The following MRRF variants were observed in gnomAD, a reference collection of about 807,000 sequenced individuals.
MRRF encodes the protein mitochondrial ribosome recycling factor.
Under a neutral mutation model 25.1 loss-of-function variants are expected in MRRF, and 18 were observed. The observed-to-expected ratio is 0.72, with a 90% confidence interval of 0.50 to 1.06. MRRF has a LOEUF of 1.06. MRRF is among the 50% of genes least tolerant of loss of function. The pLI is 0.00. For synonymous variants in MRRF, 113 were observed against 112.1 expected, an observed-to-expected ratio of 1.01 and a Z score of -0.05; for missense variants, 323 against 319.3, an observed-to-expected ratio of 1.01 and a Z score of -0.09.
In MRRF at chr9:122,325,631, GGTGTGTGTGTGTGTGTGTGTGTGTGTGT is replaced by G. The variant is rs35981240; in HGVS notation, c.*3041_*3068del. 1.3e-4 allele frequency: 15 copies of G among 116,626 alleles called. No homozygotes were observed. The highest frequency in any genetic ancestry group is 3.3e-4 in the South Asian group (1 of 3,018). The allele number at this position is 116,626 out of a possible 1,614,324, so 7.2% of individuals were successfully genotyped here. A position where few individuals can be genotyped will look rare whatever the true frequency, so the allele number is the denominator to read the frequency against. Reference sequence around the variant, plus strand: ...GAATTTGAGAATTTTTTTCCTGTCTGGTGTGTGTGTGTGTGTGTGTGTGTGTGTGTGTGTGTGTGTGTGTGTGTGTGTG... The same window carrying G: ...GAATTTGAGAATTTTTTTCCTGTCTGGTGTGTGTGTGTGTGTGTGTGTGTG... On this transcript the variant is annotated 3_prime_UTR_variant, in exon 7 of 7. Coordinates refer to ENST00000344641, the MANE Select transcript of MRRF (RefSeq NM_138777.5).
intron 4 of MRRF, 55 bp downstream of exon 4, chr9:122,285,342 C>A: frequency 2.0e-6 from 2 of 1,017,812 alleles, no homozygotes; most frequent in Non-Finnish European, 3.1e-6. Context: ...ATGGAGGAGA[C>A]TGGGTCATAT....
intron 5 of MRRF, among the ~76,000 whole-genome samples, chr9:122,300,000 T>G (rs1294441627): frequency 1.3e-5 from 2 of 152,144 alleles, no homozygotes; most frequent in African/African-American, 2.4e-5. Flanking sequence ...AGCAGATGTC[T>G]GGGAAAGACA....
At chr9:122,265,680 ATCACT>A (rs1478994859) in intron 1 of MRRF, 1 of 1,002,882 alleles carries the variant, frequency 1.0e-6, no homozygotes, top group Non-Finnish European at 1.4e-6. Context: ...CGTAGGAGAA[ATCACT>A]TGGTACAAGT....
At chr9:122,285,649 C>A in intron 4 of MRRF, 1 of 701,722 alleles carries the variant, frequency 1.4e-6, no homozygotes, top group Non-Finnish European at 2.1e-6. Flanking sequence ...TTGCCAGGCA[C>A]AATGTAGGCC....
intron 1 of MRRF, among the ~76,000 whole-genome samples, chr9:122,269,680 C>T (rs899923361): frequency 2.6e-5 from 4 of 152,064 alleles, no homozygotes; most frequent in Admixed American, 6.5e-5. Context: ...GAGCCAAGAT[C>T]GTGCCACTGT....
chr9:122,277,388 A>G (rs904950066), intron 2 of MRRF, among the ~76,000 whole-genome samples: 2 of 152,112 alleles, frequency 1.3e-5, no homozygotes, highest in African/African-American at 4.8e-5. Context: ...CCATCCCTAT[A>G]CATCAAACTT....
rs1166747912 is a variant in MRRF at position 122,285,151 on chromosome 9, C to G, written c.341-18C>G. ...TAAGGTTCTTTGGAATTCTAAAACT[C>G]TGTAATTTTTCTTTTAGGATCCCTT... On this transcript the variant is annotated intron_variant, in intron 3 of 6. Transcript: ENST00000344641. The G allele has an allele frequency of 2.6e-6, 4 of 1,518,308 alleles. No individual in the cohort carries two copies. The Admixed American group carries it at 5.0e-5, about 19-fold the overall frequency. 94.1% of individuals were successfully genotyped at this position (1,518,308 alleles called of 1,614,324 possible).
intron 3 of MRRF, 26 bp downstream of exon 3, chr9:122,280,624 G>A: frequency 6.2e-7 from 1 of 1,610,672 alleles, no homozygotes; most frequent in South Asian, 1.1e-5. Context: ...AATGTTCTGG[G>A]GAGGGATGTA....
chr9:122,271,366 G>A (rs976262772), intron 2 of MRRF, among the ~76,000 whole-genome samples: 1 of 152,238 alleles, frequency 6.6e-6, no homozygotes, highest in African/African-American at 2.4e-5. Context: ...TGCCAAGCAA[G>A]CCAGAATGCT....
intron 5 of MRRF, among the ~76,000 whole-genome samples, chr9:122,307,466 T>C (rs1286217713): frequency 1.3e-5 from 2 of 152,206 alleles, no homozygotes; most frequent in Non-Finnish European, 2.9e-5. Flanking sequence ...ACCAAGTGGC[T>C]AAATCCTTTG....
At chr9:122,315,218 T>G (rs1228685293) in intron 6 of MRRF, among the ~76,000 whole-genome samples, 1 of 152,204 alleles carries the variant, frequency 6.6e-6, no homozygotes, top group Non-Finnish European at 1.5e-5. Flanking sequence ...GGTCTCACTA[T>G]GTTGCCCAGG....
chr9:122,296,917 A>C (rs1834122028), intron 5 of MRRF, among the ~76,000 whole-genome samples: 1 of 152,226 alleles, frequency 6.6e-6, no homozygotes, highest in Non-Finnish European at 1.5e-5. Context: ...ACAAAACTAC[A>C]GATGATTGAC....
intron 1 of MRRF, among the ~76,000 whole-genome samples, chr9:122,268,242 A>G (rs1474459138): frequency 1.3e-5 from 2 of 152,218 alleles, no homozygotes; most frequent in East Asian, 3.8e-4. Flanking sequence ...CTTCCGGTTC[A>G]CGTGTACTGG....
At chr9:122,320,299 A>G (rs1835815520) in intron 6 of MRRF, among the ~76,000 whole-genome samples, 1 of 152,222 alleles carries the variant, frequency 6.6e-6, no homozygotes, top group African/African-American at 2.4e-5. Flanking sequence ...ACTGAAAGTC[A>G]AAGTGGGGAA....
intron 4 of MRRF, among the ~76,000 whole-genome samples, chr9:122,287,589 G>A (rs1257385834): frequency 2.0e-5 from 3 of 152,168 alleles, no homozygotes; most frequent in Non-Finnish European, 4.4e-5. Flanking sequence ...TTATTAAATA[G>A]CAAATGGCAT....
In MRRF at chr9:122,310,763, TG is replaced by T. The variant is rs1364886119; in HGVS notation, c.552-2461del. Among the ~76,000 whole-genome samples, 8 of 152,248 alleles carry T rather than the reference TG, an allele frequency of 5.3e-5. No individual in the cohort carries two copies. In the East Asian group the frequency reaches 1.5e-3, roughly 29 times the overall value. On this transcript the variant is annotated intron_variant, in intron 5 of 6. Transcript: ENST00000344641. ...TGGGTGAATGCACATCAACTTAAAG[TG>T]GGTACTCAGAACTAACCAGCTGAGT...
intron 6 of MRRF, among the ~76,000 whole-genome samples, chr9:122,319,305 C>T (rs1455974375): frequency 6.6e-6 from 1 of 152,058 alleles, no homozygotes; most frequent in East Asian, 1.9e-4. Flanking sequence ...CTCCCGCCAC[C>T]ATGCCCGGCT....
At chr9:122,307,491 C>G (rs189733865) in intron 5 of MRRF, among the ~76,000 whole-genome samples, 60 of 152,324 alleles carry the variant, frequency 3.9e-4, no homozygotes, top group African/African-American at 1.3e-3. Flanking sequence ...CATTTTCTCT[C>G]TCACCACTCG....
chr9:122,313,281 C>T lies in MRRF; in HGVS notation c.606C>T (p.Asn202=). ...MLVKLAKQNT[N]KAKDSLRKVR... ...TGAAACTGGCCAAACAGAACACCAA[C>T]AAGGCCAAAGACTCTTTACGGAAGG... Residue 202 remains asparagine (N), a synonymous_variant, in exon 6 of 7, where the codon AAC becomes AAT. Transcript: ENST00000344641. 2 of 1,614,104 alleles carry T rather than the reference C, an allele frequency of 1.2e-6. No individual in the cohort carries two copies. Among genetic ancestry groups the T allele is most frequent in the Middle Eastern group, 1.6e-4 (1 of 6,062 alleles).
Sources: gnomAD v4.1 joint callset for allele counts (sites outside exome capture counted in the v4.1 genomes callset) on GRCh38, gnomAD v4.1.1 for gene constraint, MANE v1.5 for transcripts, NCBI Gene and HGNC (gene_info 2026-07-23, HGNC 2026-07-21) for gene names.